The following REV1 variants were observed in gnomAD, a reference collection of about 807,000 sequenced individuals.
REV1 encodes REV1 DNA directed polymerase, also known as translesion synthesis protein REV1.
In REV1, 42 loss-of-function variants were observed where a neutral mutation model predicts 137.4. The ratio of observed to expected loss-of-function variants is 0.31; its 90% confidence interval spans 0.24 to 0.40. The LOEUF (loss-of-function observed/expected upper bound fraction) is 0.40. Ranked by LOEUF, REV1 falls within the 10% of genes least tolerant of loss-of-function variation. The probability of loss-of-function intolerance (pLI) is 1.00; values close to 1 mark genes in which losing one functional copy is unlikely to be tolerated. For missense variants in REV1, 1,282 were observed against 1,490.1 expected, an observed-to-expected ratio of 0.86 and a Z score of 2.30; for synonymous variants, 524 against 519.2, an observed-to-expected ratio of 1.01 and a Z score of -0.12.
rs184633427 is a variant in REV1, at chr2:99,465,832, C to T, written c.-10-847G>A. Among the ~76,000 whole-genome samples, 369 of 152,292 alleles carry T rather than the reference C, an allele frequency of 2.4e-3. 2 individuals carry two copies. The highest frequency in any genetic ancestry group is 9.7e-3 in the South Asian group (47 of 4,832). On this transcript the variant is annotated intron_variant, in intron 1 of 22. Transcript: ENST00000258428. ...CATATGAAGCCTTATATATTATCCA[C>T]GTCAAATCAGCTCTGATATGATCTA...
At chr2:99,424,562 C>T (rs1679095640) in intron 9 of REV1, 1 of 450,474 alleles carries the variant, frequency 2.2e-6, no homozygotes, top group South Asian at 2.2e-5. Context: ...ACTCATACCT[C>T]TGGCCCCTTT....
chr2:99,468,883 C>G (rs185425989), intron 1 of REV1, among the ~76,000 whole-genome samples: 57 of 152,230 alleles, frequency 3.7e-4, no homozygotes, highest in African/African-American at 1.3e-3. Context: ...AGACTACACA[C>G]GTGGAAACCC....
chr2:99,486,917 G>GA (rs10711134), intron 1 of REV1, among the ~76,000 whole-genome samples: 52 of 149,470 alleles, frequency 3.5e-4, no homozygotes, highest in South Asian at 6.4e-4. Context: ...AAATAAGTGG[G>GA]AAAAAAAAAA....
At chr2:99,451,421 T>A in intron 3 of REV1, 2 of 1,302,346 alleles carry the variant, frequency 1.5e-6, no homozygotes, top group Non-Finnish European at 2.0e-6. Flanking sequence ...TTCTACTGGA[T>A]GAAGTTAAGA....
At chr2:99,421,428 T>C (rs1678659004) in intron 11 of REV1, 71 bp downstream of exon 11, 2 of 1,442,032 alleles carry the variant, frequency 1.4e-6, no homozygotes, top group East Asian at 4.7e-5. Context: ...AAAGAAAAAC[T>C]CCATAAAATT....
intron 21 of REV1, 80 bp downstream of exon 21, chr2:99,402,564 A>G (rs927935936): frequency 2.2e-6 from 3 of 1,360,106 alleles, no homozygotes; most frequent in Admixed American, 2.1e-5. Context: ...TTAAATCTGC[A>G]TAGTTTAGTC....
At chr2:99,455,761 A>G (rs1197378612) in intron 3 of REV1, among the ~76,000 whole-genome samples, 1 of 152,228 alleles carries the variant, frequency 6.6e-6, no homozygotes, top group African/African-American at 2.4e-5. Flanking sequence ...CCACATTTGT[A>G]TGTTTAGAAA....
chr2:99,439,229 A>C lies in REV1; in HGVS notation c.585T>G (p.Asn195Lys). Residue 195 changes from asparagine (N) to lysine (K), a missense_variant, in exon 6 of 23, where the codon AAT (asparagine) becomes AAG (lysine). Transcript: ENST00000258428. ...CCAGATCCACAAAACTAAAATCATT[A>C]TTTTCATCTTCTTCATTCCAACTGT... ...GMNSWNEEDE[N>K]NDFSFVDLEQ... 1 of 1,614,004 alleles carries C rather than the reference A, an allele frequency of 6.2e-7. No homozygotes were observed. Among genetic ancestry groups the C allele is most frequent in the Non-Finnish European group, 8.5e-7 (1 of 1,179,970 alleles).
chr2:99,451,209 A>G (rs1288348240), intron 3 of REV1: 2 of 409,944 alleles, frequency 4.9e-6, no homozygotes, highest in Non-Finnish European at 7.0e-6. Context: ...TAAAAAATTA[A>G]TTTGCAAGTT....
intron 14 of REV1, among the ~76,000 whole-genome samples, chr2:99,408,706 C>T (rs759164769): frequency 6.6e-6 from 1 of 152,208 alleles, no homozygotes; most frequent in Non-Finnish European, 1.5e-5. Flanking sequence ...GATGTGCTGA[C>T]CTCACCCACC....
chr2:99,415,267 A>G (rs1290853549), intron 12 of REV1, among the ~76,000 whole-genome samples: 1 of 152,224 alleles, frequency 6.6e-6, no homozygotes, highest in African/African-American at 2.4e-5. Context: ...CAAAGAGTGC[A>G]GCCACCTATT....
chr2:99,452,356 G>C (rs1240442381), intron 3 of REV1, among the ~76,000 whole-genome samples: 1 of 148,774 alleles, frequency 6.7e-6, no homozygotes, highest in African/African-American at 2.5e-5. Context: ...CAGAGAGGCA[G>C]AGTTTGTAGT....
intron 12 of REV1, 72 bp from the exon 13 acceptor site, chr2:99,413,023 C>T: frequency 9.7e-7 from 1 of 1,033,502 alleles, no homozygotes. Context: ...AAAATACCCA[C>T]CATTTATGCA....
Position 99,402,498 on chromosome 2 carries a change from G to C in REV1, c.3541+146C>G. 6.7e-6 allele frequency: 6 copies of C among 899,488 alleles called. No individual in the cohort carries two copies. The South Asian group carries it at 9.8e-5, about 15-fold the overall frequency. The allele number at this position is 899,488 out of a possible 1,614,324, so 55.7% of individuals were successfully genotyped here. On this transcript the variant is annotated intron_variant, in intron 21 of 22. Transcript: ENST00000258428. ...TTGTTACTTTTCAAAGCAAGTCCCA[G>C]AATTTAAAAGATTTGGGGGTAGCTG...
At chr2:99,401,436 A>T in intron 22 of REV1, 84 bp from the exon 23 acceptor site, 3 of 890,766 alleles carry the variant, frequency 3.4e-6, no homozygotes, top group South Asian at 3.9e-5. Flanking sequence ...ATAAAAATTG[A>T]CTTTGGCAAA....
At chr2:99,410,115 ATCC>A (rs934485108) in intron 14 of REV1, among the ~76,000 whole-genome samples, 1 of 151,820 alleles carries the variant, frequency 6.6e-6, no homozygotes, top group Non-Finnish European at 1.5e-5. Context: ...GGTTCAAGCA[ATCC>A]TCCTGCCCCA....
At chr2:99,409,266 T>C (rs2104436314) in intron 14 of REV1, among the ~76,000 whole-genome samples, 1 of 152,380 alleles carries the variant, frequency 6.6e-6, no homozygotes. Flanking sequence ...TTATAATTCC[T>C]GCTTTCATGG....
At chr2:99,414,285 C>T (rs1197024462) in intron 12 of REV1, among the ~76,000 whole-genome samples, 1 of 152,164 alleles carries the variant, frequency 6.6e-6, no homozygotes, top group East Asian at 1.9e-4. Flanking sequence ...CAGTATATAA[C>T]ACAAGGTTAG....
rs557839701 is a variant in REV1, at chr2:99,458,934, C to T, written c.181+3562G>A. Among the ~76,000 whole-genome samples, 627 of 152,054 alleles carry T rather than the reference C, an allele frequency of 4.1e-3. 4 individuals carry two copies. Among genetic ancestry groups the T allele is most frequent in the Middle Eastern group, 0.017 (5 of 294 alleles). The stretch of plus-strand genomic sequence containing the variant: ...AGATCTTTGTAGTGTGGAGGCCGGG[C>T]GCGGTGGCTCACACCTGTAATCCCA... On this transcript the variant is annotated intron_variant, in intron 3 of 22. Coordinates refer to ENST00000258428, the MANE Select transcript of REV1 (RefSeq NM_016316.4).
Sources: allele counts gnomAD v4.1 joint callset (sites outside exome capture counted in the v4.1 genomes callset), GRCh38; gene constraint gnomAD v4.1.1; transcripts MANE v1.5; gene names NCBI Gene and HGNC (gene_info 2026-07-23, HGNC 2026-07-21).